TNRC6C: variants seen among roughly 807,000 people sequenced by gnomAD.
TNRC6C encodes trinucleotide repeat containing adaptor 6C.
A neutral mutation model predicts 153.7 loss-of-function variants in TNRC6C; 20 were observed. The ratio of observed to expected loss-of-function variants is 0.13; its 90% CI spans 0.09 to 0.19. The LOEUF (loss-of-function observed/expected upper bound fraction) is 0.19. TNRC6C is among the 10% of genes least tolerant of loss of function. TNRC6C has a pLI of 1.00. For missense variants in TNRC6C, 1,987 were observed against 2,172.0 expected, an observed-to-expected ratio of 0.91 and a Z score of 1.69; for synonymous variants, 811 against 841.4, an observed-to-expected ratio of 0.96 and a Z score of 0.63.
chr17:78,087,665 T>C (rs2073321352), intron 13 of TNRC6C, among the ~76,000 whole-genome samples: 1 of 152,214 alleles, frequency 6.6e-6, no homozygotes, highest in African/African-American at 2.4e-5. Context: ...TCAGTAAAAG[T>C]ATTCAGATTT....
At chr17:78,045,944 C>T (rs572288087) in intron 2 of TNRC6C, among the ~76,000 whole-genome samples, 1 of 151,848 alleles carries the variant, frequency 6.6e-6, no homozygotes, top group African/African-American at 2.4e-5. Flanking sequence ...TAGGTATCAT[C>T]CTCTAACCCC....
chr17:77,998,796 G>A (rs971514115), intron 1 of TNRC6C, among the ~76,000 whole-genome samples: 4 of 152,160 alleles, frequency 2.6e-5, no homozygotes, highest in African/African-American at 4.8e-5. Context: ...CCTGACAGTT[G>A]GCCACATAGT....
At chr17:78,096,615 G>A (rs896934644) in intron 16 of TNRC6C, among the ~76,000 whole-genome samples, 5 of 152,218 alleles carry the variant, frequency 3.3e-5, no homozygotes, top group Admixed American at 3.3e-4. Flanking sequence ...GCCTACGGCT[G>A]AGATGCCATG....
intron 1 of TNRC6C, 95 bp downstream of exon 1, chr17:77,959,363 G>C (rs1221755510): frequency 6.6e-6 from 1 of 151,586 alleles, no homozygotes; most frequent in Non-Finnish European, 1.5e-5. Context: ...CGGGGCGGGC[G>C]CTGGCCCCTA....
At chr17:78,093,167 A>G (rs1260118568) in intron 15 of TNRC6C, 43 bp downstream of exon 17, 2 of 1,591,984 alleles carry the variant, frequency 1.3e-6, no homozygotes, top group South Asian at 1.1e-5. Flanking sequence ...GCAGGTCAGA[A>G]TGTGCTCCAA....
chr17:78,079,444 C>T lies in TNRC6C; in HGVS notation c.3260C>T (p.Ala1087Val). Residue 1087 changes from alanine to valine, a missense_variant, in exon 10 of 20, where the codon GCC (alanine) becomes GTC (valine). By Grantham distance (64) the Ala-to-Val change is moderately conservative. Transcript: ENST00000301624. The surrounding 1 kb of genome is among the most constrained non-coding windows in gnomAD (Gnocchi z 4.3). ...TTTGGCAATAGTGGAGCAGCACAAG[C>T]CAGGACCATGCAGCAGCCGCCACAG... 2 of 1,613,876 alleles carry T rather than the reference C, an allele frequency of 1.2e-6. No homozygotes were observed. The highest frequency in any genetic ancestry group is 1.7e-6 in the Non-Finnish European group (2 of 1,179,876).
chr17:77,963,182 A>G (rs1215405983), intron 1 of TNRC6C, among the ~76,000 whole-genome samples: 1 of 152,232 alleles, frequency 6.6e-6, no homozygotes, highest in East Asian at 1.9e-4. Flanking sequence ...TAGGAATATA[A>G]TTACTTAAAA....
intron 3 of TNRC6C, among the ~76,000 whole-genome samples, chr17:78,054,966 G>A (rs1264616153): frequency 6.9e-6 from 1 of 145,394 alleles, no homozygotes; most frequent in Non-Finnish European, 1.5e-5. Flanking sequence ...ACACCACTGC[G>A]GACTACTGTA....
At chr17:78,027,772 G>A (rs561610393) in intron 1 of TNRC6C, among the ~76,000 whole-genome samples, 1 of 152,348 alleles carries the variant, frequency 6.6e-6, no homozygotes, top group South Asian at 2.1e-4. Context: ...CCCAATGTAA[G>A]TGATGGTAAC....
At chr17:78,050,415 G>A in exon 3 of TNRC6C, 2 of 1,614,046 alleles carry the variant, frequency 1.2e-6, no homozygotes, top group Non-Finnish European at 1.7e-6. Flanking sequence ...GTTGGGGACA[G>A]ACTCCTGTAA....
upstream of TNRC6C, among the ~76,000 whole-genome samples, chr17:77,958,045 G>C: frequency 6.6e-6 from 1 of 152,240 alleles, no homozygotes; most frequent in East Asian, 1.9e-4. Flanking sequence ...GGCGGGCCGG[G>C]AGGCGCGAGG....
At chr17:78,056,467 CTTT>C (rs1158479097) in intron 3 of TNRC6C, among the ~76,000 whole-genome samples, 1 of 138,984 alleles carries the variant, frequency 7.2e-6, no homozygotes, top group Non-Finnish European at 1.6e-5. Context: ...CCAGAAACTA[CTTT>C]TTTTTTTTTT....
chr17:77,983,153 G>A (rs928222251), intron 1 of TNRC6C, among the ~76,000 whole-genome samples: 2 of 152,172 alleles, frequency 1.3e-5, no homozygotes, highest in African/African-American at 4.8e-5. Context: ...CCTGAAAGCA[G>A]TCTCTTACTG....
chr17:78,027,691 T>C (rs1460518626), intron 1 of TNRC6C, among the ~76,000 whole-genome samples: 2 of 152,112 alleles, frequency 1.3e-5, no homozygotes, highest in Non-Finnish European at 2.9e-5. Flanking sequence ...GTGAGACATA[T>C]CGGTATTGCA....
chr17:78,051,445 C>A, exon 3 of TNRC6C: 1 of 1,437,172 alleles, frequency 7.0e-7, no homozygotes, highest in Non-Finnish European at 9.2e-7. Flanking sequence ...GTTGCTTGGT[C>A]CAGGTAGGAA....
At chr17:77,976,111 A>G (rs963638840) in intron 1 of TNRC6C, among the ~76,000 whole-genome samples, 1 of 152,234 alleles carries the variant, frequency 6.6e-6, no homozygotes, top group Non-Finnish European at 1.5e-5. Flanking sequence ...TAAATGAGAT[A>G]GTATGTAAGT....
At chr17:78,060,172 C>T (rs2072738994) in intron 3 of TNRC6C, among the ~76,000 whole-genome samples, 1 of 152,164 alleles carries the variant, frequency 6.6e-6, no homozygotes, top group Non-Finnish European at 1.5e-5. Flanking sequence ...GATACTTTGC[C>T]ATCTGACTGT....
At chr17:77,959,498 ACAAT>A (rs1167224841) in intron 1 of TNRC6C, among the ~76,000 whole-genome samples, 1 of 152,088 alleles carries the variant, frequency 6.6e-6, no homozygotes, top group Non-Finnish European at 1.5e-5. Flanking sequence ...GGTGTGCATC[ACAAT>A]CAAACGGGAG....
intron 1 of TNRC6C, among the ~76,000 whole-genome samples, chr17:78,023,634 A>G (rs1438004634): frequency 6.6e-6 from 1 of 151,498 alleles, no homozygotes; most frequent in Non-Finnish European, 1.5e-5. Context: ...TCAAAAACCC[A>G]TCTCTACTAA....
Sources: gnomAD v4.1 joint callset for allele counts (sites outside exome capture counted in the v4.1 genomes callset) on GRCh38, gnomAD v4.1.1 for gene constraint, Gnocchi (gnomAD v3.1) non-coding constraint, MANE v1.5 for transcripts, NCBI Gene and HGNC (gene_info 2026-07-23, HGNC 2026-07-21) for gene names.